AEBP2: variants seen among roughly 807,000 people sequenced by gnomAD.
AEBP2 encodes zinc finger protein AEBP2.
A neutral mutation model predicts 50.8 loss-of-function variants in AEBP2; 10 were observed. The observed-to-expected ratio is 0.20, with a 90% CI of 0.12 to 0.33. The LOEUF (loss-of-function observed/expected upper bound fraction) is 0.33, where lower values mean the gene tolerates loss of function less well. Ranked by LOEUF, AEBP2 falls within the 10% of genes least tolerant of loss-of-function variation. AEBP2 has a pLI of 1.00. For synonymous variants in AEBP2, 296 were observed against 261.3 expected (o/e 1.13, Z -1.28); for missense variants, 570 against 688.0 (o/e 0.83, Z 1.92).
At chr12:19,458,575 A>G (rs1309641564) in intron 1 of AEBP2, among the ~76,000 whole-genome samples, 1 of 152,244 alleles carries the variant, frequency 6.6e-6, no homozygotes, top group Non-Finnish European at 1.5e-5. Context: ...CATAGACTCA[A>G]CAATGATTAC....
At chr12:19,409,383 T>C (rs2095738070) in intron 1 of AEBP2, among the ~76,000 whole-genome samples, 1 of 151,862 alleles carries the variant, frequency 6.6e-6, no homozygotes, top group African/African-American at 2.4e-5. Context: ...TGCATTATCC[T>C]ACATACCCTT....
rs780082277 is a variant in AEBP2 at position 19,440,397 on chromosome 12, C to A, written c.671+27C>A. On this transcript the variant is annotated intron_variant, in intron 1 of 7. Coordinates refer to ENST00000266508, the MANE Select transcript of AEBP2 (RefSeq NM_153207.5). Reference sequence around the variant, plus strand: ...TCAGTGCTCTGAAGCGTTTCCCCTTCCCTTCCTCCTCTTGAACTCCCGGGC... The same window carrying A: ...TCAGTGCTCTGAAGCGTTTCCCCTTACCTTCCTCCTCTTGAACTCCCGGGC... 26 of 1,465,550 alleles carry A rather than the reference C, an allele frequency of 1.8e-5. No individual in the cohort carries two copies. The East Asian group carries it at 5.6e-4, about 32-fold the overall frequency. The allele number at this position is 1,465,550 out of a possible 1,614,324, so 90.8% of individuals were successfully genotyped here. A position where few individuals can be genotyped will look rare whatever the true frequency, so the allele number is the denominator to read the frequency against.
At chr12:19,407,276 G>A (rs969269076) in intron 1 of AEBP2, among the ~76,000 whole-genome samples, 6 of 152,034 alleles carry the variant, frequency 3.9e-5, no homozygotes, top group South Asian at 2.1e-4. Context: ...ACTTCAGCTC[G>A]GGTGACACAG....
At chr12:19,436,597 T>TTG (rs199754436), upstream of AEBP2, among the ~76,000 whole-genome samples, 773 of 146,092 alleles carry the variant, frequency 5.3e-3, 5 homozygotes, top group South Asian at 7.5e-3. Context: ...CTTTTTTTTT[T>TTG]GGGGGGGGGA....
chr12:19,459,911 C>G (rs1948342045), intron 1 of AEBP2, among the ~76,000 whole-genome samples: 1 of 152,200 alleles, frequency 6.6e-6, no homozygotes, highest in Admixed American at 6.5e-5. Flanking sequence ...CAAAACAAGA[C>G]TCTGCCGCTA....
intron 1 of AEBP2, chr12:19,440,584 T>C (rs1947937407): frequency 6.3e-6 from 9 of 1,435,938 alleles, no homozygotes; most frequent in Non-Finnish European, 8.3e-6. Flanking sequence ...CCCCCCCAAC[T>C]CTCCTTTCCC....
chr12:19,507,638 G>GT lies in AEBP2; in HGVS notation c.1300-4760_1300-4759insT, dbSNP rs577320425. Reference sequence around the variant, plus strand: ...ACCTTAACTGAGGAAAAGTCACAAAGGTGGAATGTAATCTGAAGAATGATT... The same window carrying GT: ...ACCTTAACTGAGGAAAAGTCACAAAGTGTGGAATGTAATCTGAAGAATGATT... On this transcript the variant is annotated intron_variant, in intron 5 of 7. Transcript: ENST00000266508. 8.0e-3 allele frequency among the ~76,000 whole-genome samples: 1,214 copies of GT among 152,236 alleles called. 15 individuals carry two copies. The highest frequency in any genetic ancestry group is 0.027 in the African/African-American group (1,140 of 41,538).
chr12:19,512,560 AAG>A (rs1294856296), intron 6 of AEBP2, 95 bp downstream of exon 6: 49 of 865,472 alleles, frequency 5.7e-5, no homozygotes, highest in Non-Finnish European at 1.4e-5. Flanking sequence ...TTCAAATAAA[AAG>A]AAATTACATT....
At chr12:19,471,309 G>A (rs1207680206) in intron 2 of AEBP2, among the ~76,000 whole-genome samples, 1 of 152,184 alleles carries the variant, frequency 6.6e-6, no homozygotes, top group Non-Finnish European at 1.5e-5. Context: ...TGTATAGACA[G>A]GGTTATGGCA....
chr12:19,428,792 T>C (rs7299970), intron 1 of AEBP2, among the ~76,000 whole-genome samples: 3 of 150,882 alleles, frequency 2.0e-5, no homozygotes, highest in South Asian at 2.1e-4. Context: ...CAGCCTAGGC[T>C]ACAAGAGTGA....
upstream of AEBP2, among the ~76,000 whole-genome samples, chr12:19,435,615 T>C (rs966193549): frequency 6.6e-6 from 1 of 152,168 alleles, no homozygotes. Context: ...TGATTTCTTA[T>C]GGTTAATTAA....
intron 1 of AEBP2, among the ~76,000 whole-genome samples, chr12:19,408,714 A>G (rs2095737666): frequency 6.6e-6 from 1 of 151,854 alleles, no homozygotes; most frequent in African/African-American, 2.4e-5. Flanking sequence ...AGCCTAACCA[A>G]CGTGGTGAAA....
At position 19,467,357 on chromosome 12, in the gene AEBP2, A is replaced by G. The variant is rs548480847; in HGVS notation, c.879+4640A>G. Among the ~76,000 whole-genome samples the G allele has an allele frequency of 7.9e-5, 12 of 152,312 alleles. No individual in the cohort carries two copies. The East Asian group carries it at 2.1e-3, about 27-fold the overall frequency. On this transcript the variant is annotated intron_variant, in intron 2 of 7. Coordinates refer to ENST00000266508, the MANE Select transcript of AEBP2 (RefSeq NM_153207.5). ...TGCCCAGGCTGAAATGCAGTGGTGC[A>G]ATCTCCACTCACTGCAACCTCCACC...
intron 1 of AEBP2, among the ~76,000 whole-genome samples, chr12:19,425,009 A>AAAAC (rs986679359): frequency 2.0e-5 from 3 of 152,210 alleles, no homozygotes; most frequent in Admixed American, 1.3e-4. Flanking sequence ...ACTCCATCTC[A>AAAAC]AAACAAACAA....
At chr12:19,499,628 A>C (rs985763296) in intron 4 of AEBP2, among the ~76,000 whole-genome samples, 3 of 151,988 alleles carry the variant, frequency 2.0e-5, no homozygotes, top group Non-Finnish European at 4.4e-5. Flanking sequence ...AAAAAAAAAA[A>C]AAAACCTCAA....
Position 19,439,909 on chromosome 12 carries a change from C to CAGCAGTAGCAGCAGCGTA in AEBP2, c.210_211insAGCAGTAGCAGCAGCGTA (p.Gly70_Gly71insSerSerSerSerSerVal), listed in dbSNP as rs1947915078. ...GCAGCGGTGGGGGCGGCGGAGGCGG[C>CAGCAGTAGCAGCAGCGTA]GGCGGAGGAGTGGGGGGCGGCGAGG... On this transcript the variant is annotated inframe_insertion, in exon 1 of 8. Transcript: ENST00000266508. 1 of 1,485,852 alleles carries CAGCAGTAGCAGCAGCGTA rather than the reference C, an allele frequency of 6.7e-7. No individual in the cohort carries two copies. Among genetic ancestry groups the CAGCAGTAGCAGCAGCGTA allele is most frequent in the Admixed American group, 2.2e-5 (1 of 44,924 alleles). 92.0% of individuals were successfully genotyped at this position (1,485,852 alleles called of 1,614,324 possible).
intron 1 of AEBP2, among the ~76,000 whole-genome samples, chr12:19,423,878 T>C (rs1359520719): frequency 2.0e-5 from 3 of 152,112 alleles, no homozygotes; most frequent in Admixed American, 2.0e-4. Flanking sequence ...AAAAATAAAA[T>C]ACATGAGAGG....
intron 1 of AEBP2, among the ~76,000 whole-genome samples, chr12:19,426,354 A>C (rs559075820): frequency 6.6e-6 from 1 of 152,314 alleles, no homozygotes; most frequent in African/African-American, 2.4e-5. Flanking sequence ...GACAGAGGAG[A>C]GAGCTGAAAT....
intron 6 of AEBP2, among the ~76,000 whole-genome samples, chr12:19,513,784 G>A (rs1949271322): frequency 6.6e-6 from 1 of 151,524 alleles, no homozygotes; most frequent in Admixed American, 6.6e-5. Flanking sequence ...ATTCAAATGT[G>A]TATATTCCTA....
Sources: gnomAD v4.1 joint callset for allele counts (sites outside exome capture counted in the v4.1 genomes callset) on GRCh38, gnomAD v4.1.1 for gene constraint, MANE v1.5 for transcripts, NCBI Gene and HGNC (gene_info 2026-07-23, HGNC 2026-07-21) for gene names.